ARID2: variants seen among roughly 807,000 people sequenced by gnomAD.
The protein encoded by ARID2 is AT-rich interaction domain 2, also known as AT-rich interactive domain-containing protein 2.
In ARID2, 32 loss-of-function variants were observed where a neutral mutation model predicts 184.6. The observed-to-expected ratio is 0.17, with a 90% CI of 0.13 to 0.23. ARID2 has a LOEUF of 0.23. Ranked by LOEUF, ARID2 falls within the 10% of genes least tolerant of loss-of-function variation. The probability of loss-of-function intolerance (pLI) is 1.00; values close to 1 mark genes in which losing one functional copy is unlikely to be tolerated. For synonymous variants in ARID2, 836 were observed against 772.6 expected, an observed-to-expected ratio of 1.08 and a Z score of -1.36; for missense variants, 1,696 against 2,197.6, an observed-to-expected ratio of 0.77 and a Z score of 4.56.
chr12:45,754,631 T>G (rs916632494), intron 3 of ARID2, among the ~76,000 whole-genome samples: 1 of 152,232 alleles, frequency 6.6e-6, no homozygotes, highest in African/African-American at 2.4e-5. Flanking sequence ...CCTTTTCTTA[T>G]CTCATCAAGC....
chr12:45,812,888 G>A (rs1046106047), intron 4 of ARID2, among the ~76,000 whole-genome samples: 6 of 152,106 alleles, frequency 3.9e-5, no homozygotes, highest in African/African-American at 4.8e-5. Context: ...TTTGGTGTCC[G>A]CTACTACTGT....
intron 4 of ARID2, among the ~76,000 whole-genome samples, chr12:45,814,750 C>G (rs1242409844): frequency 2.0e-5 from 3 of 152,140 alleles, no homozygotes; most frequent in Non-Finnish European, 2.9e-5. Context: ...ATTTTATAAG[C>G]ATTTTCTCCT....
chr12:45,764,269 G>C (rs1941730592), intron 3 of ARID2, among the ~76,000 whole-genome samples: 1 of 152,144 alleles, frequency 6.6e-6, no homozygotes, highest in Non-Finnish European at 1.5e-5. Flanking sequence ...AACAGTGATT[G>C]TGTGAAAGAA....
At chr12:45,774,804 T>C (rs1329183537) in intron 3 of ARID2, among the ~76,000 whole-genome samples, 2 of 152,162 alleles carry the variant, frequency 1.3e-5, no homozygotes, top group African/African-American at 2.4e-5. Flanking sequence ...TTATGAGGCA[T>C]TGTGGCCAGA....
intron 3 of ARID2, among the ~76,000 whole-genome samples, chr12:45,770,940 A>G (rs905060036): frequency 4.6e-5 from 7 of 152,098 alleles, no homozygotes; most frequent in Admixed American, 2.6e-4. Flanking sequence ...GGGTTTCACC[A>G]GGGAACCATC....
intron 16 of ARID2, among the ~76,000 whole-genome samples, chr12:45,877,603 C>T (rs1197297870): frequency 6.6e-6 from 1 of 152,060 alleles, no homozygotes; most frequent in Non-Finnish European, 1.5e-5. Context: ...ATCCCCCCAA[C>T]CCCTGGTCCA....
In ARID2 at chr12:45,748,590, A is replaced by T. The variant is rs1941401831; in HGVS notation, c.284+17276A>T. Among the ~76,000 whole-genome samples, 4 of 152,230 alleles carry T rather than the reference A, an allele frequency of 2.6e-5. No individual in the cohort carries two copies. In the South Asian group the frequency reaches 8.3e-4, roughly 32 times the overall value. On this transcript the variant is annotated intron_variant, in intron 3 of 20. Coordinates refer to ENST00000334344, the MANE Select transcript of ARID2 (RefSeq NM_152641.4). Reference sequence around the variant, plus strand: ...GACAACAATGAAGTTTGCTGCATCGATCAACTCTTTCTTTCACGAGAGGTT... The same window carrying T: ...GACAACAATGAAGTTTGCTGCATCGTTCAACTCTTTCTTTCACGAGAGGTT...
chr12:45,849,969 A>G, intron 14 of ARID2, 67 bp from the exon 15 acceptor site: 1 of 1,523,496 alleles, frequency 6.6e-7, no homozygotes. Flanking sequence ...CTCTTAAGTA[A>G]AATAATTCCT....
chr12:45,858,043 A>AGC (rs1396615398), intron 15 of ARID2, among the ~76,000 whole-genome samples: 2 of 152,230 alleles, frequency 1.3e-5, no homozygotes, highest in African/African-American at 2.4e-5. Flanking sequence ...TATAGGCATG[A>AGC]GCCACCGTGC....
chr12:45,762,381 C>T (rs1207861497), intron 3 of ARID2, among the ~76,000 whole-genome samples: 2 of 152,170 alleles, frequency 1.3e-5, no homozygotes, highest in Non-Finnish European at 2.9e-5. Context: ...AAGTAGGGCA[C>T]CTCCCTCTCT....
intron 12 of ARID2, among the ~76,000 whole-genome samples, chr12:45,848,458 A>G (rs773260741): frequency 6.6e-6 from 1 of 152,114 alleles, no homozygotes; most frequent in Non-Finnish European, 1.5e-5. Context: ...TTCAGCTACA[A>G]TGCAAATAGC....
At chr12:45,834,115 C>T (rs1943171152) in intron 6 of ARID2, among the ~76,000 whole-genome samples, 2 of 152,158 alleles carry the variant, frequency 1.3e-5, no homozygotes, top group Admixed American at 1.3e-4. Flanking sequence ...TCAGTGATTA[C>T]AGTCTTGCAT....
In ARID2 at chr12:45,877,991, G is replaced by T. The variant is rs150800226; in HGVS notation, c.4923-13789G>T. On this transcript the variant is annotated intron_variant, in intron 16 of 20. Coordinates refer to ENST00000334344, the MANE Select transcript of ARID2 (RefSeq NM_152641.4). ...TGACTTTTGAAGAGTGATTTTACTGGATACAAAATTCTAGGTTAGTGGATG... is the reference window on the plus strand; with the variant it reads ...TGACTTTTGAAGAGTGATTTTACTGTATACAAAATTCTAGGTTAGTGGATG... Among the ~76,000 whole-genome samples the T allele has an allele frequency of 5.6e-3, 852 of 152,202 alleles. 5 individuals are homozygous for T. Among genetic ancestry groups the T allele is most frequent in the Non-Finnish European group, 9.5e-3 (648 of 67,996 alleles).
rs1336912819 is a variant in ARID2 at position 45,782,631 on chromosome 12, CA to C, written c.285-28780del. ...TGGGCGACAGAGCGAGACTCTGTCTCAAAAAAATTTTTTTGAATCAAAATTT... is the reference window on the plus strand; with the variant it reads ...TGGGCGACAGAGCGAGACTCTGTCTCAAAAAATTTTTTTGAATCAAAATTT... On this transcript the variant is annotated intron_variant, in intron 3 of 20. Transcript: ENST00000334344. 3.3e-5 allele frequency among the ~76,000 whole-genome samples: 5 copies of C among 151,922 alleles called. No homozygotes were observed. The East Asian group carries it at 7.8e-4, about 24-fold the overall frequency.
chr12:45,889,128 G>A (rs575044929), intron 16 of ARID2, among the ~76,000 whole-genome samples: 1 of 152,198 alleles, frequency 6.6e-6, no homozygotes, highest in Non-Finnish European at 1.5e-5. Context: ...GTTGCAGTGA[G>A]CCAAGATTGT....
chr12:45,732,270 C>T (rs1221111980), intron 3 of ARID2, among the ~76,000 whole-genome samples: 1 of 152,072 alleles, frequency 6.6e-6, no homozygotes, highest in African/African-American at 2.4e-5. Flanking sequence ...GTGGCTTCTG[C>T]ATAATTTGAG....
rs75983516 is a variant in ARID2, at chr12:45,837,110, T to C, written c.1023+119T>C. 110 of 1,332,938 alleles carry C rather than the reference T, an allele frequency of 8.3e-5. No homozygotes were observed. The African/African-American group carries it at 1.5e-3, about 19-fold the overall frequency. The allele number at this position is 1,332,938 out of a possible 1,614,324, so 82.6% of individuals were successfully genotyped here. A position where few individuals can be genotyped will look rare whatever the true frequency, so the allele number is the denominator to read the frequency against. On this transcript the variant is annotated intron_variant, in intron 8 of 20. Transcript: ENST00000334344. ...TAGACTATTAAATGCTTACATGTATTAGTTGCTAAAAATGGTGATGTAGAA... is the reference window on the plus strand; with the variant it reads ...TAGACTATTAAATGCTTACATGTATCAGTTGCTAAAAATGGTGATGTAGAA...
chr12:45,881,728 C>A, intron 16 of ARID2: 1 of 186,940 alleles, frequency 5.3e-6, no homozygotes, highest in South Asian at 1.3e-4. Context: ...CTGCTCCTTG[C>A]CCTCCTTCCT....
chr12:45,846,003 CAT>C (rs1412957703), intron 11 of ARID2: 3 of 152,112 alleles, frequency 2.0e-5, no homozygotes, highest in South Asian at 2.1e-4. Flanking sequence ...CTTTGTATAA[CAT>C]AGGGGAGAAG....
Sources: gnomAD v4.1 joint callset for allele counts (sites outside exome capture counted in the v4.1 genomes callset) on GRCh38, gnomAD v4.1.1 for gene constraint, MANE v1.5 for transcripts, NCBI Gene and HGNC (gene_info 2026-07-23, HGNC 2026-07-21) for gene names.